PCDH15: variants seen among roughly 807,000 people sequenced by gnomAD.
The protein encoded by PCDH15 is protocadherin related 15.
Under a neutral mutation model 178.5 loss-of-function variants are expected in PCDH15, and 129 were observed. That is an observed-to-expected ratio of 0.72 (90% CI 0.63 to 0.84). The LOEUF (loss-of-function observed/expected upper bound fraction) is 0.84, where lower values mean the gene tolerates loss of function less well. Ranked by LOEUF, PCDH15 falls within the 40% of genes least tolerant of loss-of-function variation. The pLI is 0.00. For missense variants in PCDH15, 2,230 were observed against 2,099.9 expected, an observed-to-expected ratio of 1.06 and a Z score of -1.21; for synonymous variants, 800 against 732.0, an observed-to-expected ratio of 1.09 and a Z score of -1.50.
intron 2 of PCDH15, among the ~76,000 whole-genome samples, chr10:55,585,312 TAAAGATTCAG>T (rs1380091734): frequency 6.6e-6 from 1 of 152,130 alleles, no homozygotes; most frequent in Non-Finnish European, 1.5e-5. Context: ...TATCTTCTTT[TAAAGATTCAG>T]AACACTATAA....
At chr10:55,358,397 G>A (rs1845131081) in intron 2 of PCDH15, among the ~76,000 whole-genome samples, 1 of 151,950 alleles carries the variant, frequency 6.6e-6, no homozygotes, top group Non-Finnish European at 1.5e-5. Context: ...TCTTATTTCA[G>A]CAAACAATAT....
intron 14 of PCDH15, among the ~76,000 whole-genome samples, chr10:54,151,200 C>A (rs1030660182): frequency 6.6e-6 from 1 of 151,864 alleles, no homozygotes; most frequent in Admixed American, 6.6e-5. Flanking sequence ...AAGTCACAAA[C>A]GAGACAAGCA....
chr10:54,830,862 A>G (rs987026669), intron 3 of PCDH15, among the ~76,000 whole-genome samples: 5 of 152,102 alleles, frequency 3.3e-5, no homozygotes, highest in African/African-American at 1.2e-4. Context: ...TAATGATGAA[A>G]AAAGAACTCC....
At chr10:53,821,794 T>G in intron 32 of PCDH15, 2 of 1,600,220 alleles carry the variant, frequency 1.2e-6, no homozygotes, top group Non-Finnish European at 1.7e-6. Flanking sequence ...CGTTCAAATT[T>G]GATGTTCAAC....
chr10:55,350,012 C>A (rs1036756086), intron 2 of PCDH15, among the ~76,000 whole-genome samples: 1 of 151,630 alleles, frequency 6.6e-6, no homozygotes, highest in African/African-American at 2.4e-5. Flanking sequence ...ACTATCCTTT[C>A]ACCCAGCTCT....
chr10:53,945,528 A>G (rs1344839238), intron 23 of PCDH15, among the ~76,000 whole-genome samples: 1 of 152,012 alleles, frequency 6.6e-6, no homozygotes. Flanking sequence ...TCTAACAGAA[A>G]TTTTGTATCT....
intron 2 of PCDH15, among the ~76,000 whole-genome samples, chr10:55,562,833 G>A (rs1477034510): frequency 1.3e-5 from 2 of 151,976 alleles, no homozygotes; most frequent in Admixed American, 6.6e-5. Context: ...AGAATTCTGG[G>A]AAGATGATGG....
intron 2 of PCDH15, among the ~76,000 whole-genome samples, chr10:54,642,973 A>T (rs2094026866): frequency 6.6e-6 from 1 of 152,182 alleles, no homozygotes; most frequent in African/African-American, 2.4e-5. Flanking sequence ...CCCAGGCTGG[A>T]GTGCAATGGC....
At chr10:54,357,852 T>C (rs1271836004) in intron 5 of PCDH15, among the ~76,000 whole-genome samples, 1 of 151,926 alleles carries the variant, frequency 6.6e-6, no homozygotes, top group African/African-American at 2.4e-5. Flanking sequence ...CCCTCAGAAA[T>C]AACACCACAT....
At chr10:55,516,890 T>A (rs1361491738) in intron 2 of PCDH15, among the ~76,000 whole-genome samples, 1 of 152,190 alleles carries the variant, frequency 6.6e-6, no homozygotes, top group Non-Finnish European at 1.5e-5. Context: ...CTCTGTAATT[T>A]TATATCAGCT....
At chr10:53,822,786 A>G in intron 32 of PCDH15, 9 of 1,614,134 alleles carry the variant, frequency 5.6e-6, no homozygotes, top group Non-Finnish European at 7.6e-6. Flanking sequence ...TGTTCCTTCT[A>G]TCATCAGTGT....
chr10:53,987,148 A>G (rs1319464517), intron 21 of PCDH15, among the ~76,000 whole-genome samples: 1 of 152,148 alleles, frequency 6.6e-6, no homozygotes, highest in Non-Finnish European at 1.5e-5. Context: ...AGATTTTTTT[A>G]AGCAGATAAA....
At chr10:55,025,652 A>G (rs956699930) in intron 2 of PCDH15, among the ~76,000 whole-genome samples, 9 of 152,040 alleles carry the variant, frequency 5.9e-5, no homozygotes, top group African/African-American at 2.2e-4. Flanking sequence ...GAGTTATAAA[A>G]TATATATTTT....
chr10:54,359,724 T>C (rs1945694616), intron 5 of PCDH15, among the ~76,000 whole-genome samples: 1 of 151,992 alleles, frequency 6.6e-6, no homozygotes, highest in African/African-American at 2.4e-5. Flanking sequence ...TTCATGTTTT[T>C]CTGTGCTTTC....
At chr10:54,253,750 C>T (rs2056687728) in intron 8 of PCDH15, among the ~76,000 whole-genome samples, 2 of 151,974 alleles carry the variant, frequency 1.3e-5, no homozygotes, top group Non-Finnish European at 1.5e-5. Context: ...GTAATGCTTG[C>T]TATAAATTAA....
chr10:54,760,081 A>G (rs1947675218), intron 1 of PCDH15, among the ~76,000 whole-genome samples: 1 of 152,192 alleles, frequency 6.6e-6, no homozygotes, highest in South Asian at 2.1e-4. Flanking sequence ...AAATGCTCAA[A>G]ACCATTCATT....
At chr10:54,213,084 T>C (rs1264450762) in intron 10 of PCDH15, among the ~76,000 whole-genome samples, 1 of 151,754 alleles carries the variant, frequency 6.6e-6, no homozygotes, top group Non-Finnish European at 1.5e-5. Context: ...AAAAATACCA[T>C]CGGGATGCAT....
At chr10:55,609,111 A>G (rs1043263865) in intron 2 of PCDH15, among the ~76,000 whole-genome samples, 1 of 151,818 alleles carries the variant, frequency 6.6e-6, no homozygotes, top group African/African-American at 2.4e-5. Flanking sequence ...GTCCCTTGCT[A>G]AATGTTTCAC....
At chr10:54,508,032 A>C (rs1410575869) in intron 3 of PCDH15, among the ~76,000 whole-genome samples, 1 of 152,000 alleles carries the variant, frequency 6.6e-6, no homozygotes, top group Non-Finnish European at 1.5e-5. Context: ...TAACCTGCAT[A>C]ACACATCCCC....
Sources: allele counts gnomAD v4.1 joint callset (sites outside exome capture counted in the v4.1 genomes callset), GRCh38; gene constraint gnomAD v4.1.1; transcripts MANE v1.5; gene names NCBI Gene and HGNC (gene_info 2026-07-23, HGNC 2026-07-21).